UBE2G1: variants seen among roughly 807,000 people sequenced by gnomAD.
The protein encoded by UBE2G1 is ubiquitin conjugating enzyme E2 G1, also known as ubiquitin-conjugating enzyme E2 G1.
UBE2G1 carries 5 observed loss-of-function variants against 22.7 expected under a neutral mutation model. The ratio of observed to expected loss-of-function variants is 0.22; its 90% CI spans 0.12 to 0.46. The LOEUF (loss-of-function observed/expected upper bound fraction) is 0.46, where lower values mean the gene tolerates loss of function less well. UBE2G1 is among the 20% of genes least tolerant of loss of function. The pLI is 0.99. For synonymous variants in UBE2G1, 74 were observed against 67.5 expected (o/e 1.10, Z -0.47); for missense variants, 88 against 203.9 (o/e 0.43, Z 3.46).
At chr17:4,354,797 C>T (rs1036502054) in intron 1 of UBE2G1, among the ~76,000 whole-genome samples, 2 of 151,890 alleles carry the variant, frequency 1.3e-5, no homozygotes, top group African/African-American at 4.8e-5. Flanking sequence ...ATTTGCTGAG[C>T]ATGGTGGCGC....
chr17:4,354,630 G>A (rs1046628234), intron 1 of UBE2G1, among the ~76,000 whole-genome samples: 1 of 152,110 alleles, frequency 6.6e-6, no homozygotes, highest in East Asian at 1.9e-4. Flanking sequence ...GGTTAGATTG[G>A]AGAAATTACC....
At chr17:4,314,176 A>G (rs1194503553) in intron 1 of UBE2G1, among the ~76,000 whole-genome samples, 2 of 152,242 alleles carry the variant, frequency 1.3e-5, no homozygotes, top group Non-Finnish European at 2.9e-5. Flanking sequence ...ATATGAATTT[A>G]TCACTAAAAC....
At chr17:4,298,270 G>A (rs923252987) in intron 2 of UBE2G1, among the ~76,000 whole-genome samples, 4 of 152,118 alleles carry the variant, frequency 2.6e-5, no homozygotes, top group African/African-American at 9.7e-5. Context: ...AGGCTTCAGA[G>A]AGCTGTGATT....
intron 5 of UBE2G1, among the ~76,000 whole-genome samples, chr17:4,278,789 G>A (rs930800559): frequency 1.3e-5 from 2 of 152,156 alleles, no homozygotes; most frequent in African/African-American, 4.8e-5. Context: ...GTAAAGGGGA[G>A]CACTTCTGGT....
At chr17:4,313,502 G>A (rs1969334357) in intron 1 of UBE2G1, among the ~76,000 whole-genome samples, 1 of 152,138 alleles carries the variant, frequency 6.6e-6, no homozygotes, top group Admixed American at 6.5e-5. Flanking sequence ...ATAAAATTAA[G>A]AGTTGGAAAG....
intron 1 of UBE2G1, among the ~76,000 whole-genome samples, chr17:4,338,744 T>C (rs1363247003): frequency 1.3e-5 from 2 of 152,068 alleles, no homozygotes; most frequent in Non-Finnish European, 2.9e-5. Context: ...TGATCTGGAG[T>C]GAGAGTCAAA....
intron 1 of UBE2G1, among the ~76,000 whole-genome samples, chr17:4,354,282 G>T (rs926895068): frequency 2.0e-5 from 3 of 152,050 alleles, no homozygotes; most frequent in Admixed American, 2.0e-4. Flanking sequence ...CTGTATTATG[G>T]AACTTTTATT....
chr17:4,336,344 TAAAGTA>T (rs1173352683), intron 1 of UBE2G1, among the ~76,000 whole-genome samples: 7 of 152,054 alleles, frequency 4.6e-5, no homozygotes, highest in Non-Finnish European at 7.4e-5. Flanking sequence ...TTTGAGAAGT[TAAAGTA>T]AAAGGTTAGA....
At chr17:4,272,615 T>A (rs1404834833) in intron 5 of UBE2G1, 99 bp from the exon 6 acceptor site, 7 of 186,426 alleles carry the variant, frequency 3.8e-5, no homozygotes, top group Non-Finnish European at 7.9e-5. Context: ...TGACAACAAA[T>A]CCTTAATTTC....
chr17:4,342,901 G>T (rs935656173), intron 1 of UBE2G1, among the ~76,000 whole-genome samples: 30 of 152,154 alleles, frequency 2.0e-4, no homozygotes, highest in African/African-American at 7.0e-4. Flanking sequence ...ACATTGCCAG[G>T]CCTCTCTCCC....
chr17:4,291,168 C>G (rs532570231), intron 3 of UBE2G1, among the ~76,000 whole-genome samples: 8 of 152,254 alleles, frequency 5.3e-5, no homozygotes, highest in Admixed American at 2.0e-4. Flanking sequence ...TGAGGCCAGC[C>G]TGGCCAACAT....
chr17:4,280,034 A>G, intron 5 of UBE2G1, among the ~76,000 whole-genome samples: 1 of 151,352 alleles, frequency 6.6e-6, no homozygotes, highest in East Asian at 1.9e-4. Flanking sequence ...TTAGATAGAT[A>G]GACTTTTTTT....
intron 4 of UBE2G1, among the ~76,000 whole-genome samples, chr17:4,284,849 T>G (rs1226697147): frequency 7.3e-6 from 1 of 137,708 alleles, no homozygotes; most frequent in Non-Finnish European, 1.5e-5. Flanking sequence ...TTTTTTTTTT[T>G]TTTTTTTTTT....
intron 1 of UBE2G1, among the ~76,000 whole-genome samples, chr17:4,309,177 T>C (rs1257101451): frequency 1.3e-5 from 2 of 152,206 alleles, no homozygotes; most frequent in African/African-American, 2.4e-5. Flanking sequence ...GGAGGATCAC[T>C]TGAACTGGAA....
At position 4,307,138 on chromosome 17, in the gene UBE2G1, A is replaced by G. The variant is rs1969257365; in HGVS notation, c.47-15T>C. The G allele has an allele frequency of 6.2e-7, 1 of 1,601,548 alleles. No individual in the cohort carries two copies. The highest frequency in any genetic ancestry group is 1.1e-5 in the South Asian group (1 of 90,866). The stretch of plus-strand genomic sequence containing the variant: ...TTTGTTGAGTTCTGTGGAAAAAGAA[A>G]AGTTTAATCAATACATTTAAGCACA... On this transcript the variant is annotated splice_polypyrimidine_tract_variant and intron_variant, in intron 1 of 5. Coordinates refer to ENST00000396981, the MANE Select transcript of UBE2G1 (RefSeq NM_003342.5).
intron 3 of UBE2G1, among the ~76,000 whole-genome samples, chr17:4,293,371 G>A (rs895638563): frequency 6.6e-6 from 1 of 151,838 alleles, no homozygotes; most frequent in African/African-American, 2.4e-5. Context: ...TCTTTTTATT[G>A]CCAAATAATA....
chr17:4,284,765 A>G (rs192063322), intron 4 of UBE2G1, among the ~76,000 whole-genome samples: 1 of 150,912 alleles, frequency 6.6e-6, no homozygotes, highest in Non-Finnish European at 1.5e-5. Flanking sequence ...GCTTTGAGTG[A>G]CATAAATACC....
intron 1 of UBE2G1, among the ~76,000 whole-genome samples, chr17:4,346,770 A>T (rs2143808205): frequency 6.6e-6 from 1 of 152,120 alleles, no homozygotes; most frequent in African/African-American, 2.4e-5. Flanking sequence ...AGAAAGGAAG[A>T]CAGAGGAAAC....
intron 1 of UBE2G1, among the ~76,000 whole-genome samples, chr17:4,311,143 C>G (rs1025215045): frequency 6.6e-6 from 1 of 152,138 alleles, no homozygotes; most frequent in Admixed American, 6.5e-5. Context: ...GGGAAGATGA[C>G]TTGAGCCCAG....
Sources: allele counts gnomAD v4.1 joint callset (sites outside exome capture counted in the v4.1 genomes callset), GRCh38; gene constraint gnomAD v4.1.1; transcripts MANE v1.5; gene names NCBI Gene and HGNC (gene_info 2026-07-23, HGNC 2026-07-21).